STARD10: variants seen among roughly 807,000 people sequenced by gnomAD.
STARD10 encodes the protein StAR related lipid transfer domain containing 10.
In STARD10, 24 loss-of-function variants were observed where a neutral mutation model predicts 36.0. That is an observed-to-expected ratio of 0.67 (90% CI 0.48 to 0.94). The LOEUF is 0.94. Ranked by LOEUF, STARD10 falls within the 40% of genes least tolerant of loss-of-function variation. STARD10 has a pLI of 0.00. For synonymous variants in STARD10, 156 were observed against 161.9 expected, an observed-to-expected ratio of 0.96 and a Z score of 0.28; for missense variants, 335 against 396.6, an observed-to-expected ratio of 0.84 and a Z score of 1.32.
At chr11:72,789,509 A>G (rs1157181426) in intron 1 of STARD10, among the ~76,000 whole-genome samples, 1 of 152,136 alleles carries the variant, frequency 6.6e-6, no homozygotes, top group East Asian at 1.9e-4. Context: ...CCTGGTGTCA[A>G]TGGCATTTGC....
chr11:72,787,326 G>A (rs1464921395), intron 1 of STARD10, among the ~76,000 whole-genome samples: 2 of 152,132 alleles, frequency 1.3e-5, no homozygotes, highest in Admixed American at 6.5e-5. Context: ...TCTGGGCCTC[G>A]CAGGGGCCGT....
At chr11:72,779,998 C>G in intron 2 of STARD10, 1 of 288,330 alleles carries the variant, frequency 3.5e-6, no homozygotes, top group South Asian at 2.8e-5. Flanking sequence ...GACTCCTCCA[C>G]ATTTCCAGGA....
At chr11:72,791,294 C>T (rs752158019) in intron 1 of STARD10, among the ~76,000 whole-genome samples, 15 of 152,170 alleles carry the variant, frequency 9.9e-5, no homozygotes, top group East Asian at 3.9e-4. Flanking sequence ...TAGTCCTTCT[C>T]GGAGTATACA....
intron 2 of STARD10, 43 bp from the exon 3 acceptor site, chr11:72,759,424 A>AG: frequency 1.2e-6 from 2 of 1,610,724 alleles, no homozygotes; most frequent in Non-Finnish European, 1.7e-6. Context: ...TATGGGGCTC[A>AG]GAGCCTTGGC....
chr11:72,787,905 G>T (rs1305758882), intron 1 of STARD10, among the ~76,000 whole-genome samples: 1 of 152,174 alleles, frequency 6.6e-6, no homozygotes, highest in Non-Finnish European at 1.5e-5. Context: ...CAAAGTTGGG[G>T]CCTCAGTGTC....
At chr11:72,784,260 G>T (rs531866813) in intron 1 of STARD10, among the ~76,000 whole-genome samples, 1 of 152,208 alleles carries the variant, frequency 6.6e-6, no homozygotes, top group Non-Finnish European at 1.5e-5. Context: ...AGGGGCTCTG[G>T]GAGAGGAGTC....
At position 72,781,869 on chromosome 11, in the gene STARD10, C is replaced by G. The variant is rs1481258087; in HGVS notation, c.-113-575G>C. On this transcript the variant is annotated intron_variant, in intron 1 of 6. Coordinates refer to ENST00000334805, the MANE Select transcript of STARD10 (RefSeq NM_006645.3). This position sits in a 1 kb window ranked among gnomAD's most constrained non-coding sequence, Gnocchi z 4.7. Reference sequence around the variant, plus strand: ...GCTCGGGGGCTCGGCGGCCGCGGCTCGGGATTTTCCAGGCTGCGGAGGTGA... The same window carrying G: ...GCTCGGGGGCTCGGCGGCCGCGGCTGGGGATTTTCCAGGCTGCGGAGGTGA... 6.6e-6 allele frequency: 1 copy of G among 150,566 alleles called. No individual in the cohort carries two copies. The highest frequency in any genetic ancestry group is 2.4e-5 in the African/African-American group (1 of 41,090). 9.3% of individuals were successfully genotyped at this position (150,566 alleles called of 1,614,324 possible). A position where few individuals can be genotyped will look rare whatever the true frequency, so the allele number is the denominator to read the frequency against.
intron 2 of STARD10, among the ~76,000 whole-genome samples, chr11:72,777,016 C>T (rs931745535): frequency 2.0e-5 from 3 of 152,196 alleles, no homozygotes; most frequent in Admixed American, 6.5e-5. Context: ...GCCTCAGGCT[C>T]TCAGCCACAC....
chr11:72,773,482 G>A (rs1203604328), intron 2 of STARD10, among the ~76,000 whole-genome samples: 1 of 152,222 alleles, frequency 6.6e-6, no homozygotes, highest in Admixed American at 6.5e-5. Flanking sequence ...TCTGCAGTGA[G>A]GGGGTGTGAC....
chr11:72,766,864 A>G (rs572067511), intron 2 of STARD10, among the ~76,000 whole-genome samples: 3 of 152,306 alleles, frequency 2.0e-5, no homozygotes, highest in East Asian at 3.9e-4. Flanking sequence ...CCTCCCTCCA[A>G]GACCTTACAC....
chr11:72,774,987 G>T (rs1858912138), intron 2 of STARD10, among the ~76,000 whole-genome samples: 2 of 152,222 alleles, frequency 1.3e-5, no homozygotes. Flanking sequence ...AGCTGGGTGT[G>T]GAGGGCACAG....
Position 72,788,381 on chromosome 11 carries a change from C to T in STARD10, c.-114+4494G>A, listed in dbSNP as rs560230751. 8.5e-5 allele frequency among the ~76,000 whole-genome samples: 13 copies of T among 152,248 alleles called. No individual in the cohort carries two copies. In the South Asian group the frequency reaches 1.2e-3, roughly 15 times the overall value. On this transcript the variant is annotated intron_variant, in intron 1 of 6. Coordinates refer to ENST00000334805, the MANE Select transcript of STARD10 (RefSeq NM_006645.3). Reference sequence around the variant, plus strand: ...GACAACCTACAGACCTCTGTCACCTCGGTGCTGGTGTGCACATTCTCCAGG... The same window carrying T: ...GACAACCTACAGACCTCTGTCACCTTGGTGCTGGTGTGCACATTCTCCAGG...
chr11:72,772,487 G>A (rs1336938181), intron 2 of STARD10, among the ~76,000 whole-genome samples: 1 of 152,058 alleles, frequency 6.6e-6, no homozygotes, highest in East Asian at 1.9e-4. Context: ...GATTCCACTC[G>A]GCCACAACCT....
At chr11:72,779,987 G>A in intron 2 of STARD10, 2 of 290,374 alleles carry the variant, frequency 6.9e-6, no homozygotes, top group South Asian at 5.6e-5. Context: ...AGGGGAGGGT[G>A]GACTCCTCCA....
chr11:72,757,722 T>C, intron 5 of STARD10, 45 bp downstream of exon 5: 2 of 1,555,018 alleles, frequency 1.3e-6, no homozygotes, highest in Non-Finnish European at 8.9e-7. Flanking sequence ...ACCCCTGTGG[T>C]ATAGGGAAGG....
At chr11:72,792,664 C>T (rs1286994074) in intron 1 of STARD10, among the ~76,000 whole-genome samples, 2 of 152,110 alleles carry the variant, frequency 1.3e-5, no homozygotes, top group Admixed American at 6.5e-5. Flanking sequence ...CAGCTCAATG[C>T]GCATCACTTC....
At chr11:72,756,840 G>A (rs887205265) in intron 5 of STARD10, among the ~76,000 whole-genome samples, 1 of 152,058 alleles carries the variant, frequency 6.6e-6, no homozygotes, top group African/African-American at 2.4e-5. Context: ...GGAGGAGGCA[G>A]AATCAATAAG....
intron 1 of STARD10, among the ~76,000 whole-genome samples, chr11:72,786,418 G>C (rs189831428): frequency 3.3e-5 from 5 of 152,090 alleles, no homozygotes; most frequent in African/African-American, 1.2e-4. Context: ...GGGCTGGCTC[G>C]GCCTTGAGAG....
At chr11:72,786,906 G>A (rs951540599) in intron 1 of STARD10, among the ~76,000 whole-genome samples, 1 of 151,794 alleles carries the variant, frequency 6.6e-6, no homozygotes, top group African/African-American at 2.4e-5. Context: ...ATAGTGAGAC[G>A]CCATCTCTAC....
Sources: gnomAD v4.1 joint callset for allele counts (sites outside exome capture counted in the v4.1 genomes callset) on GRCh38, gnomAD v4.1.1 for gene constraint, Gnocchi (gnomAD v3.1) non-coding constraint, MANE v1.5 for transcripts, NCBI Gene and HGNC (gene_info 2026-07-23, HGNC 2026-07-21) for gene names.